Variants in MUC22 observed in about 807,000 individuals in gnomAD.
MUC22 encodes mucin-22.
MUC22 carries 24 observed loss-of-function variants against 40.3 expected under a neutral mutation model. That is an observed-to-expected ratio of 0.60 (90% CI 0.43 to 0.84). The LOEUF is 0.84. Ranked by LOEUF, MUC22 falls within the 40% of genes least tolerant of loss-of-function variation. MUC22 has a pLI of 0.00. For synonymous variants in MUC22, 765 were observed against 844.5 expected, an observed-to-expected ratio of 0.91 and a Z score of 1.63; for missense variants, 1,926 against 2,130.7, an observed-to-expected ratio of 0.90 and a Z score of 1.89.
chr6:31,026,171 T>C, exon 2 of MUC22: 2 of 1,520,238 alleles, frequency 1.3e-6, no homozygotes, highest in Non-Finnish European at 8.8e-7. Context: ...GACTCCAAGG[T>C]GATCACGGCA....
exon 4 of MUC22, chr6:31,035,131 A>G (rs1194059856): frequency 6.3e-6 from 4 of 632,932 alleles, no homozygotes; most frequent in Non-Finnish European, 7.9e-6. Flanking sequence ...GGAGATGGAC[A>G]TGGACTAGGT....
chr6:31,016,028 C>A (rs1764170789), intron 1 of MUC22, among the ~76,000 whole-genome samples: 1 of 150,458 alleles, frequency 6.6e-6, no homozygotes, highest in Non-Finnish European at 1.5e-5. Flanking sequence ...GGGAGATTTC[C>A]TCAGCTTCTA....
At chr6:31,026,342 G>A in exon 2 of MUC22, 1 of 1,506,416 alleles carries the variant, frequency 6.6e-7, no homozygotes, top group Non-Finnish European at 8.9e-7. Context: ...TCCCCCACAG[G>A]CTCTCAGACC....
At chr6:31,006,926 A>G (rs1200200578), upstream of MUC22, among the ~76,000 whole-genome samples, 1 of 152,012 alleles carries the variant, frequency 6.6e-6, no homozygotes, top group Non-Finnish European at 1.5e-5. Flanking sequence ...AGGCGGGAGG[A>G]TTGCTTGAGC....
rs1052054253 is a variant in MUC22 at position 31,029,202 on chromosome 6, A to G, written c.3771A>G (p.Thr1257=). The G allele has an allele frequency of 1.6e-5, 25 of 1,534,838 alleles. No individual in the cohort carries two copies. The East Asian group carries it at 6.1e-4, about 38-fold the overall frequency. Residue 1257 remains threonine (T), a synonymous_variant, in exon 2 of 4, where the codon ACA becomes ACG. Coordinates refer to ENST00000561890, the Ensembl canonical transcript of MUC22. ...CTATTGAAGGCTCTGAGACCACTAC[A>G]GTCTCCTCCACAGGCTCTGAGACCA...
chr6:31,028,049 C>G (rs979580694), exon 2 of MUC22: 1 of 1,534,646 alleles, frequency 6.5e-7, no homozygotes. Context: ...ACTACAGGCT[C>G]TGAGACCACC....
chr6:31,021,945 A>G (rs1764809374), intron 1 of MUC22, among the ~76,000 whole-genome samples: 2 of 151,886 alleles, frequency 1.3e-5, no homozygotes, highest in East Asian at 1.9e-4. Context: ...GATCTGTAAC[A>G]CTCACCGTAA....
At chr6:31,024,211 C>T (rs928956698) in intron 1 of MUC22, among the ~76,000 whole-genome samples, 2 of 152,208 alleles carry the variant, frequency 1.3e-5, no homozygotes, top group African/African-American at 2.4e-5. Flanking sequence ...GACAGAACAA[C>T]GAAAAACAAC....
rs1486501934 is a variant in MUC22 at position 31,032,264 on chromosome 6, A to G, written c.4738A>G (p.Thr1580Ala). 2.0e-6 allele frequency: 3 copies of G among 1,535,444 alleles called. No homozygotes were observed. Among genetic ancestry groups the G allele is most frequent in the East Asian group, 2.4e-5 (1 of 40,934 alleles). The change falls in exon 3 of 4, where the codon ACG becomes GCG. Residue 1580 changes from threonine to alanine, a missense_variant. Thr to Ala is a moderately conservative substitution (Grantham distance 58). Coordinates refer to ENST00000561890, the Ensembl canonical transcript of MUC22. The surrounding 1 kb of genome is among the most constrained non-coding windows in gnomAD (Gnocchi z 4.1). ...CACCATGGCCCCTGGAATGGACTTC[A>G]CGGCCTCTGCTGCCAGCCATACTGT...
exon 2 of MUC22, chr6:31,027,257 C>T: frequency 6.6e-7 from 1 of 1,511,218 alleles, no homozygotes. Flanking sequence ...ACCACAGCCT[C>T]CATCATGGGC....
At chr6:31,029,346 T>C (rs1412223831) in exon 2 of MUC22, 1 of 1,514,444 alleles carries the variant, frequency 6.6e-7, no homozygotes, top group East Asian at 2.5e-5. Flanking sequence ...GCTCTGAGAC[T>C]ACCACCACCT....
At chr6:31,030,002 G>A in exon 2 of MUC22, 1 of 1,535,686 alleles carries the variant, frequency 6.5e-7, no homozygotes, top group Non-Finnish European at 8.7e-7. Flanking sequence ...ACAGCTTCTG[G>A]GGCCACTGCA....
At chr6:31,022,383 C>A (rs375605002) in intron 1 of MUC22, among the ~76,000 whole-genome samples, 1 of 152,022 alleles carries the variant, frequency 6.6e-6, no homozygotes, top group African/African-American at 2.4e-5. Context: ...AGGCTGGTAT[C>A]GAACTCCTGG....
chr6:31,014,284 AC>A (rs1764048406), intron 1 of MUC22, among the ~76,000 whole-genome samples: 1 of 151,860 alleles, frequency 6.6e-6, no homozygotes. Flanking sequence ...CAAAACCTCC[AC>A]CAGAAGTATC....
exon 2 of MUC22, chr6:31,026,610 C>A (rs1449765197): frequency 6.6e-7 from 1 of 1,507,090 alleles, no homozygotes; most frequent in African/African-American, 1.4e-5. Flanking sequence ...CTACTGCAGG[C>A]TCTGAGACCA....
chr6:31,020,088 A>G lies in MUC22; in HGVS notation c.71-5414A>G, dbSNP rs111866248. 2.0e-3 allele frequency among the ~76,000 whole-genome samples: 299 copies of G among 152,294 alleles called. 5 individuals are homozygous for G. Among genetic ancestry groups the G allele is most frequent in the Non-Finnish European group, 2.1e-3 (145 of 68,014 alleles). On this transcript the variant is annotated intron_variant, in intron 1 of 3. Coordinates refer to ENST00000561890, the Ensembl canonical transcript of MUC22. ...GCTGAAAAAATTAAATTTGATGAAA[A>G]CTATAAACTCACAGATCCCAAGAAC...
intron 1 of MUC22, among the ~76,000 whole-genome samples, chr6:31,016,012 C>T (rs201051754): frequency 1.4e-4 from 21 of 149,250 alleles, no homozygotes; most frequent in Non-Finnish European, 2.8e-4. Flanking sequence ...TTTTATTTTT[C>T]TTCTGGGGAG....
intron 1 of MUC22, among the ~76,000 whole-genome samples, chr6:31,019,802 C>T (rs1634727): frequency 0.31 from 47,608 of 152,012 alleles, 7,785 homozygotes; most frequent in Non-Finnish European, 0.33. Flanking sequence ...TGCAATGAGC[C>T]GAGATAGCAC....
chr6:31,028,330 A>T, exon 2 of MUC22: 1 of 1,524,082 alleles, frequency 6.6e-7, no homozygotes, highest in South Asian at 1.2e-5. Context: ...GACCACCACC[A>T]CTTCTACTGA....
Sources: allele counts gnomAD v4.1 joint callset (sites outside exome capture counted in the v4.1 genomes callset), GRCh38; gene constraint gnomAD v4.1.1; non-coding constraint Gnocchi (gnomAD v3.1); transcripts MANE v1.5; gene names NCBI Gene and HGNC (gene_info 2026-07-23, HGNC 2026-07-21).